ST3GAL5: variants seen among roughly 807,000 people sequenced by gnomAD.
ST3GAL5 encodes the protein lactosylceramide alpha-2,3-sialyltransferase.
Under a neutral mutation model 46.1 loss-of-function variants are expected in ST3GAL5, and 25 were observed. The ratio of observed to expected loss-of-function variants is 0.54; its 90% CI spans 0.40 to 0.76. The LOEUF (loss-of-function observed/expected upper bound fraction) is 0.76. Ranked by LOEUF, ST3GAL5 falls within the 30% of genes least tolerant of loss-of-function variation. ST3GAL5 has a pLI of 0.00. For missense variants in ST3GAL5, 431 were observed against 521.2 expected (o/e 0.83, Z 1.69); for synonymous variants, 182 against 192.7 (o/e 0.94, Z 0.46).
chr2:85,887,366 C>T (rs540392288), intron 1 of ST3GAL5: 1 of 152,320 alleles, frequency 6.6e-6, no homozygotes, highest in South Asian at 2.1e-4. Flanking sequence ...GCCTGTCAGC[C>T]CTCTCTCTTC....
chr2:85,876,957 A>G (rs541043702), intron 1 of ST3GAL5, among the ~76,000 whole-genome samples: 1 of 152,320 alleles, frequency 6.6e-6, no homozygotes, highest in Non-Finnish European at 1.5e-5. Context: ...AATAATTTCA[A>G]ACTTAAAGTT....
chr2:85,839,762 C>A lies in ST3GAL5; in HGVS notation c.*382G>T. The stretch of plus-strand genomic sequence containing the variant: ...AGGGAACCAGAATGAGGTTCAGGGC[C>A]ACCATCAAAAGAGTGACCTCCCCTC... On this transcript the variant is annotated 3_prime_UTR_variant, in exon 7 of 7. Coordinates refer to ENST00000638572, the MANE Select transcript of ST3GAL5 (RefSeq NM_003896.4). 3.0e-6 allele frequency: 1 copy of A among 331,736 alleles called. No homozygotes were observed. The highest frequency in any genetic ancestry group is 2.5e-5 in the South Asian group (1 of 40,068). The allele number at this position is 331,736 out of a possible 1,614,324, so 20.5% of individuals were successfully genotyped here.
rs143127559 is a variant in ST3GAL5 at position 85,877,523 on chromosome 2, C to T, written c.82+11301G>A. On this transcript the variant is annotated intron_variant, in intron 1 of 6. Coordinates refer to ENST00000638572, the MANE Select transcript of ST3GAL5 (RefSeq NM_003896.4). Reference sequence around the variant, plus strand: ...GGAATATCACAGAAGTGATCCTGTGCGCTTCTCAAAGCACTTCTCAGGAGG... The same window carrying T: ...GGAATATCACAGAAGTGATCCTGTGTGCTTCTCAAAGCACTTCTCAGGAGG... 5.9e-5 allele frequency among the ~76,000 whole-genome samples: 9 copies of T among 152,312 alleles called. No homozygotes were observed. The East Asian group carries it at 1.3e-3, about 23-fold the overall frequency.
At chr2:85,851,839 C>A in intron 3 of ST3GAL5, 1 of 601,404 alleles carries the variant, frequency 1.7e-6, no homozygotes, top group Non-Finnish European at 2.5e-6. Flanking sequence ...GCTGGTGACT[C>A]TCTCGTAAAA....
intron 1 of ST3GAL5, among the ~76,000 whole-genome samples, chr2:85,886,351 C>G (rs1330270313): frequency 3.3e-5 from 5 of 152,134 alleles, no homozygotes; most frequent in African/African-American, 1.2e-4. Flanking sequence ...AGGAGGATTG[C>G]TTGACTCCAG....
In ST3GAL5 at chr2:85,838,078, A is replaced by G. The variant is rs1681635307; in HGVS notation, c.*2066T>C. 6.6e-6 allele frequency: 1 copy of G among 152,184 alleles called. No homozygotes were observed. The highest frequency in any genetic ancestry group is 2.4e-5 in the African/African-American group (1 of 41,434). 9.4% of individuals were successfully genotyped at this position (152,184 alleles called of 1,614,324 possible). ...TGAGAATGATCTCCAGCCAACTCCT[A>G]TTGGCTGGTGGACTCTATAAAAGGT... On this transcript the variant is annotated 3_prime_UTR_variant, in exon 7 of 7. Transcript: ENST00000638572.
chr2:85,864,594 A>AG (rs59953167), intron 1 of ST3GAL5, among the ~76,000 whole-genome samples: 36,867 of 148,650 alleles, frequency 0.25, 4,957 homozygotes, highest in East Asian at 0.53. Context: ...AAAAAAAAAA[A>AG]AGAAAAAGAG....
At chr2:85,856,761 T>C (rs1684156689) in intron 3 of ST3GAL5, among the ~76,000 whole-genome samples, 1 of 151,508 alleles carries the variant, frequency 6.6e-6, no homozygotes, top group Non-Finnish European at 1.5e-5. Flanking sequence ...ATAGAGATGA[T>C]GTCTTGGTAT....
intron 6 of ST3GAL5, among the ~76,000 whole-genome samples, chr2:85,841,258 A>G (rs1172921812): frequency 6.6e-6 from 1 of 151,926 alleles, no homozygotes; most frequent in East Asian, 1.9e-4. Flanking sequence ...GCTGGCAAAT[A>G]GCACTTCCAG....
Position 85,837,368 on chromosome 2 carries a change from T to C in ST3GAL5, c.*2776A>G, listed in dbSNP as rs1440676549. On this transcript the variant is annotated 3_prime_UTR_variant, in exon 7 of 7. Coordinates refer to ENST00000638572, the MANE Select transcript of ST3GAL5 (RefSeq NM_003896.4). ...CAAATATCACATGTTCTCATTCCTA[T>C]GTAGGAGCTAAAAAAGTGGATCTCA... The C allele has an allele frequency of 6.6e-6, 1 of 152,188 alleles. No individual in the cohort carries two copies. Among genetic ancestry groups the C allele is most frequent in the African/African-American group, 2.4e-5 (1 of 41,436 alleles). The allele number at this position is 152,188 out of a possible 1,614,324, so 9.4% of individuals were successfully genotyped here.
intron 1 of ST3GAL5, among the ~76,000 whole-genome samples, chr2:85,878,995 C>T (rs1366874770): frequency 1.3e-5 from 2 of 152,068 alleles, no homozygotes; most frequent in Non-Finnish European, 2.9e-5. Flanking sequence ...TGTGCTCGGG[C>T]CAGATTACAG....
intron 3 of ST3GAL5, among the ~76,000 whole-genome samples, chr2:85,860,594 C>T (rs1558675717): frequency 6.6e-6 from 1 of 152,054 alleles, no homozygotes; most frequent in Non-Finnish European, 1.5e-5. Flanking sequence ...AATTTCTGGC[C>T]AGGCATGGTG....
chr2:85,845,177 T>G (rs1176470604), intron 5 of ST3GAL5: 1 of 159,886 alleles, frequency 6.3e-6, no homozygotes, highest in Admixed American at 5.8e-5. Context: ...GAAATGTATT[T>G]GAATATAATG....
chr2:85,863,321 C>T, intron 2 of ST3GAL5, 41 bp downstream of exon 2: 1 of 1,612,930 alleles, frequency 6.2e-7, no homozygotes, highest in South Asian at 1.1e-5. Context: ...ACACAGTTGA[C>T]CCAAAGCAGG....
intron 4 of ST3GAL5, among the ~76,000 whole-genome samples, chr2:85,847,174 T>A (rs963248081): frequency 1.3e-5 from 2 of 152,154 alleles, no homozygotes; most frequent in Non-Finnish European, 2.9e-5. Flanking sequence ...TCTGAACTTC[T>A]CTGTGTGCCT....
At chr2:85,854,452 T>C (rs1683877084) in intron 3 of ST3GAL5, 1 of 152,282 alleles carries the variant, frequency 6.6e-6, no homozygotes, top group Non-Finnish European at 1.5e-5. Flanking sequence ...ATTGGCCCAG[T>C]AGCCTAATGA....
In ST3GAL5 at chr2:85,888,914, G is replaced by A. The variant is rs1451937856; in HGVS notation, c.-9C>T. 4 of 1,350,754 alleles carry A rather than the reference G, an allele frequency of 3.0e-6. No individual in the cohort carries two copies. The highest frequency in any genetic ancestry group is 1.5e-5 in the African/African-American group (1 of 65,828). The allele number at this position is 1,350,754 out of a possible 1,614,324, so 83.7% of individuals were successfully genotyped here. On this transcript the variant is annotated 5_prime_UTR_variant, in exon 1 of 7. Coordinates refer to ENST00000638572, the MANE Select transcript of ST3GAL5 (RefSeq NM_003896.4). ...GCCGCCTTCGTCCGCATACTAATGA[G>A]GGGGCGCCGGCCGGCCGCCAGCCCG...
chr2:85,886,861 T>A (rs1687818976), intron 1 of ST3GAL5, among the ~76,000 whole-genome samples: 1 of 152,206 alleles, frequency 6.6e-6, no homozygotes, highest in Non-Finnish European at 1.5e-5. Context: ...TTAACATGTG[T>A]ATATTCCCAG....
intron 6 of ST3GAL5, among the ~76,000 whole-genome samples, chr2:85,842,463 C>CT (rs1422582589): frequency 3.3e-5 from 5 of 152,194 alleles, no homozygotes; most frequent in Non-Finnish European, 7.3e-5. Flanking sequence ...ATCACATCTC[C>CT]TACTGCTCAA....
Sources: allele counts gnomAD v4.1 joint callset (sites outside exome capture counted in the v4.1 genomes callset), GRCh38; gene constraint gnomAD v4.1.1; transcripts MANE v1.5; gene names NCBI Gene and HGNC (gene_info 2026-07-23, HGNC 2026-07-21).